PCMT1: variants seen among roughly 807,000 people sequenced by gnomAD.
The protein encoded by PCMT1 is protein-L-isoaspartate (D-aspartate) O-methyltransferase, also known as protein-L-isoaspartate(D-aspartate) O-methyltransferase.
Under a neutral mutation model 29.2 loss-of-function variants are expected in PCMT1, and 9 were observed. That is an observed-to-expected ratio of 0.31 (90% confidence interval 0.19 to 0.54). The LOEUF is 0.54. Among genes scored for constraint, PCMT1 ranks in the 20% least tolerant of loss-of-function variants. The pLI, the probability that PCMT1 is intolerant of heterozygous loss-of-function variation, is 0.95. For synonymous variants in PCMT1, 98 were observed against 97.5 expected, an observed-to-expected ratio of 1.00 and a Z score of -0.03; for missense variants, 184 against 282.2, an observed-to-expected ratio of 0.65 and a Z score of 2.49.
chr6:149,803,361 A>G (rs1775905609), intron 7 of PCMT1, among the ~76,000 whole-genome samples: 1 of 152,158 alleles, frequency 6.6e-6, no homozygotes, highest in African/African-American at 2.4e-5. Flanking sequence ...CAAGGATTCT[A>G]CAAGTTACCC....
intron 6 of PCMT1, among the ~76,000 whole-genome samples, chr6:149,801,690 T>C (rs1775831760): frequency 1.3e-5 from 2 of 152,064 alleles, no homozygotes; most frequent in Admixed American, 6.6e-5. Context: ...TCAAGTGATC[T>C]GCCCACCTTG....
At chr6:149,809,079 A>G (rs1343235272) in intron 7 of PCMT1, among the ~76,000 whole-genome samples, 5 of 149,518 alleles carry the variant, frequency 3.3e-5, no homozygotes, top group Non-Finnish European at 7.4e-5. Context: ...ACGTGGTGAA[A>G]CCCTGTCTCT....
At chr6:149,789,413 G>T (rs948250084) in intron 3 of PCMT1, among the ~76,000 whole-genome samples, 2 of 152,032 alleles carry the variant, frequency 1.3e-5, no homozygotes, top group African/African-American at 4.8e-5. Flanking sequence ...TACTGGCTGG[G>T]TGTGGTGGCT....
chr6:149,779,107 A>G (rs1183320265), intron 3 of PCMT1, among the ~76,000 whole-genome samples: 7 of 152,134 alleles, frequency 4.6e-5, no homozygotes, highest in South Asian at 4.1e-4. Flanking sequence ...TCCCTCCTCT[A>G]TGCGCAGAGA....
intron 4 of PCMT1, 140 bp downstream of exon 4, chr6:149,790,198 A>AT (rs1454411421): frequency 6.6e-6 from 4 of 603,328 alleles, no homozygotes; most frequent in Non-Finnish European, 1.2e-5. Context: ...ATCACTTAGG[A>AT]TTTTGTTGTT....
intron 1 of PCMT1, among the ~76,000 whole-genome samples, chr6:149,760,142 T>G (rs946232210): frequency 2.0e-5 from 3 of 152,190 alleles, no homozygotes; most frequent in Non-Finnish European, 4.4e-5. Context: ...GTTATGTCAC[T>G]TTGCTGCTTA....
At chr6:149,750,045 T>G in intron 1 of PCMT1, 89 bp downstream of exon 1, 1 of 1,459,900 alleles carries the variant, frequency 6.8e-7, no homozygotes, top group South Asian at 1.4e-5. Flanking sequence ...GTTCTGTCTG[T>G]CCCCGCGCGC....
intron 3 of PCMT1, among the ~76,000 whole-genome samples, chr6:149,787,521 C>G (rs1477198879): frequency 6.6e-6 from 1 of 151,876 alleles, no homozygotes; most frequent in East Asian, 1.9e-4. Context: ...GCCACCACGC[C>G]CGGCTAATTT....
In PCMT1 at chr6:149,751,476, C is replaced by CTTT. The variant is rs76128652; in HGVS notation, c.55+1541_55+1543dup. Among the ~76,000 whole-genome samples the CTTT allele has an allele frequency of 6.8e-3, 788 of 116,474 alleles. 25 individuals are homozygous for CTTT. Among genetic ancestry groups the CTTT allele is most frequent in the African/African-American group, 0.016 (426 of 26,556 alleles). The allele number at this position is 116,474 out of a possible 152,430, so 76.4% of individuals were successfully genotyped here. A position where few individuals can be genotyped will look rare whatever the true frequency, so the allele number is the denominator to read the frequency against. On this transcript the variant is annotated intron_variant, in intron 1 of 7. Transcript: ENST00000464889. ...AGTACTGTTTGGCACATGGTTGGTA[C>CTTT]TTTTTTTTTTTTTTTTTTTTTTTGA...
In PCMT1 at chr6:149,810,758, G is replaced by T; in HGVS notation, c.*180G>T. ...ACACTGTTATTTTCAGCATGAAAAT[G>T]TGTGTTTTTTTAGGGTTTCTGATTC... is the stretch of plus-strand genomic sequence containing the variant. On this transcript the variant is annotated 3_prime_UTR_variant, in exon 8 of 8. Transcript: ENST00000464889. 1 of 677,100 alleles carries T rather than the reference G, an allele frequency of 1.5e-6. No individual in the cohort carries two copies. Among genetic ancestry groups the T allele is most frequent in the Non-Finnish European group, 2.4e-6 (1 of 413,700 alleles). 41.9% of individuals were successfully genotyped at this position (677,100 alleles called of 1,614,324 possible). A position where few individuals can be genotyped will look rare whatever the true frequency, so the allele number is the denominator to read the frequency against.
At chr6:149,789,921 A>C (rs780057653) in intron 3 of PCMT1, 33 bp from the exon 4 acceptor site, 26 of 1,406,190 alleles carry the variant, frequency 1.8e-5, no homozygotes, top group Non-Finnish European at 2.4e-5. Flanking sequence ...TGTGTACTTT[A>C]GTCTTAATGA....
chr6:149,795,557 A>T (rs1249066895), intron 5 of PCMT1: 4 of 501,316 alleles, frequency 8.0e-6, no homozygotes, highest in Admixed American at 2.7e-5. Context: ...CTGGCCGAGA[A>T]CACAACTTTA....
chr6:149,777,633 C>A (rs1787624458), intron 3 of PCMT1, among the ~76,000 whole-genome samples: 1 of 152,094 alleles, frequency 6.6e-6, no homozygotes, highest in African/African-American at 2.4e-5. Flanking sequence ...TGCACACATA[C>A]ATGCACATAT....
intron 1 of PCMT1, chr6:149,765,875 A>C (rs943143746): frequency 6.1e-6 from 1 of 164,510 alleles, no homozygotes; most frequent in Non-Finnish European, 1.3e-5. Context: ...CTGAGGCAGG[A>C]GAATTGCTTG....
intron 1 of PCMT1, among the ~76,000 whole-genome samples, chr6:149,760,923 G>T (rs1396552767): frequency 6.6e-6 from 1 of 152,084 alleles, no homozygotes; most frequent in African/African-American, 2.4e-5. Context: ...CCATTGACAA[G>T]AACTTAATTG....
intron 5 of PCMT1, chr6:149,795,770 AATAG>A (rs1201421405): frequency 5.6e-6 from 1 of 179,630 alleles, no homozygotes; most frequent in Non-Finnish European, 1.2e-5. Context: ...AGTTAACTTA[AATAG>A]GTGCTGCTGC....
intron 1 of PCMT1, among the ~76,000 whole-genome samples, chr6:149,759,092 G>T (rs1786638453): frequency 6.6e-6 from 1 of 152,120 alleles, no homozygotes; most frequent in Admixed American, 6.5e-5. Flanking sequence ...GGCCAGGATG[G>T]TCTCAATCTC....
intron 7 of PCMT1, among the ~76,000 whole-genome samples, chr6:149,804,658 C>T (rs943348883): frequency 3.3e-5 from 5 of 151,852 alleles, no homozygotes; most frequent in Non-Finnish European, 7.4e-5. Flanking sequence ...AGAGTATAGG[C>T]GCCCAGCTAA....
chr6:149,772,805 CAGG>C (rs1486811906), intron 2 of PCMT1: 1 of 338,170 alleles, frequency 3.0e-6, no homozygotes, highest in East Asian at 7.6e-5. Context: ...ATCACGAGGT[CAGG>C]AGATCGAGAC....
Sources: gnomAD v4.1 joint callset for allele counts (sites outside exome capture counted in the v4.1 genomes callset) on GRCh38, gnomAD v4.1.1 for gene constraint, MANE v1.5 for transcripts, NCBI Gene and HGNC (gene_info 2026-07-23, HGNC 2026-07-21) for gene names.